The following DMRTA1 variants were observed in gnomAD, a reference collection of about 807,000 sequenced individuals.
The protein encoded by DMRTA1 is doublesex- and mab-3-related transcription factor A1.
In DMRTA1, 34 loss-of-function variants were observed where a neutral mutation model predicts 35.2. The observed-to-expected ratio is 0.97, with a 90% CI of 0.74 to 1.29. DMRTA1 has a LOEUF of 1.29. DMRTA1 is among the 50% of genes most tolerant of loss of function. DMRTA1 has a pLI of 0.00. For synonymous variants in DMRTA1, 344 were observed against 276.6 expected (o/e 1.24, Z -2.42); for missense variants, 824 against 644.6 (o/e 1.28, Z -3.01).
In DMRTA1 at chr9:22,447,432, T is replaced by G. The variant is rs1344161022; in HGVS notation, c.367T>G (p.Cys123Gly). 1 of 1,552,588 alleles carries G rather than the reference T, an allele frequency of 6.4e-7. No homozygotes were observed. Among genetic ancestry groups the G allele is most frequent in the East Asian group, 2.4e-5 (1 of 40,858 alleles). ...CTTCTGCCGCTGGCGGGACTGCGCG[T>G]GTGCCAAGTGCACCCTGATCGCCGA... ...KRFCRWRDCA[C>G]AKCTLIAERQ... The change falls in exon 1 of 2, where the codon TGT becomes GGT. Residue 123 changes from cysteine to glycine, a missense_variant. Coordinates refer to ENST00000325870, the MANE Select transcript of DMRTA1 (RefSeq NM_022160.3).
Position 22,447,284 on chromosome 9 carries a change from C to A in DMRTA1, c.219C>A (p.Gly73=). 1.3e-6 allele frequency: 2 copies of A among 1,505,870 alleles called. No homozygotes were observed. Among genetic ancestry groups the A allele is most frequent in the Non-Finnish European group, 8.8e-7 (1 of 1,133,542 alleles). The allele number at this position is 1,505,870 out of a possible 1,614,324, so 93.3% of individuals were successfully genotyped here. Residue 73 remains glycine (G), a synonymous_variant, in exon 1 of 2, where the codon GGC becomes GGA. Coordinates refer to ENST00000325870, the MANE Select transcript of DMRTA1 (RefSeq NM_022160.3). ...AAAAATSGSG[G]CPPAPGLESG... ...CTGCCGCCACCTCGGGAAGCGGAGG[C>A]TGCCCGCCGGCTCCCGGGCTGGAGA...
intron 1 of DMRTA1, among the ~76,000 whole-genome samples, chr9:22,447,970 G>A (rs1283346404): frequency 6.6e-6 from 1 of 152,158 alleles, no homozygotes; most frequent in African/African-American, 2.4e-5. Context: ...ATGAAAAAAT[G>A]AAGCATGGGT....
In DMRTA1 at chr9:22,451,457, G is replaced by A. The variant is rs767356686; in HGVS notation, c.1061G>A (p.Gly354Glu). Reference sequence around the variant, plus strand: ...GAAGGCATTCTACGGTTCTGCAAAGGGGATGTGGTCCAAGCCATTGAACAG... The same window carrying A: ...GAAGGCATTCTACGGTTCTGCAAAGAGGATGTGGTCCAAGCCATTGAACAG... ...RLEGILRFCK[G>E]DVVQAIEQVL... The change falls in exon 2 of 2, where the codon GGG (glycine) becomes GAG (glutamate). Residue 354 changes from glycine to glutamate, a missense_variant. Transcript: ENST00000325870. The A allele has an allele frequency of 5.0e-6, 8 of 1,614,108 alleles. No homozygotes were observed. The highest frequency in any genetic ancestry group is 5.9e-6 in the Non-Finnish European group (7 of 1,179,976).
At position 22,455,539 on chromosome 9, in the gene DMRTA1, A is replaced by C. The variant is rs1818992307; in HGVS notation, c.*3628A>C. 6.6e-6 allele frequency: 1 copy of C among 152,200 alleles called. No individual in the cohort carries two copies. The highest frequency in any genetic ancestry group is 1.5e-5 in the Non-Finnish European group (1 of 68,032). 9.4% of individuals were successfully genotyped at this position (152,200 alleles called of 1,614,324 possible). ...CCCTCGTGGCAGTCTCTCAACAAAG[A>C]GTACTGTAATTGCATTTAATCCACT... On this transcript the variant is annotated 3_prime_UTR_variant, in exon 2 of 2. Coordinates refer to ENST00000325870, the MANE Select transcript of DMRTA1 (RefSeq NM_022160.3).
intron 1 of DMRTA1, 91 bp from the exon 2 acceptor site, chr9:22,450,973 A>G (rs1305259693): frequency 7.7e-7 from 1 of 1,299,006 alleles, no homozygotes; most frequent in Admixed American, 2.3e-5. Context: ...GAGTGAATTA[A>G]TTATATTATC....
At position 22,447,061 on chromosome 9, in the gene DMRTA1, C is replaced by A. The variant is rs767890747; in HGVS notation, c.-5C>A. On this transcript the variant is annotated 5_prime_UTR_variant, in exon 1 of 2. Coordinates refer to ENST00000325870, the MANE Select transcript of DMRTA1 (RefSeq NM_022160.3). ...TTGGGACTCCCGGCCAGAAATTTCT[C>A]GGGAATGGAGCGGTCACAGTGTGGC... The A allele has an allele frequency of 6.2e-7, 1 of 1,606,624 alleles. No individual in the cohort carries two copies. Among genetic ancestry groups the A allele is most frequent in the Non-Finnish European group, 8.5e-7 (1 of 1,177,228 alleles).
At position 22,452,042 on chromosome 9, in the gene DMRTA1, G is replaced by T. The variant is rs1053926575; in HGVS notation, c.*131G>T. On this transcript the variant is annotated 3_prime_UTR_variant, in exon 2 of 2. Coordinates refer to ENST00000325870, the MANE Select transcript of DMRTA1 (RefSeq NM_022160.3). The stretch of plus-strand genomic sequence containing the variant: ...GGATTATGAGGTCTTAAAATGCTGG[G>T]TTTTTTTTTTTTCAAGCAATATAAT... 8.5e-5 allele frequency: 72 copies of T among 847,666 alleles called. No homozygotes were observed. Among genetic ancestry groups the T allele is most frequent in the East Asian group, 1.4e-4 (4 of 28,874 alleles). 52.5% of individuals were successfully genotyped at this position (847,666 alleles called of 1,614,324 possible).
At chr9:22,450,551 A>G (rs151143579) in intron 1 of DMRTA1, among the ~76,000 whole-genome samples, 2 of 152,246 alleles carry the variant, frequency 1.3e-5, no homozygotes, top group African/African-American at 4.8e-5. Flanking sequence ...GAGATAAAAA[A>G]CCAATTGTTA....
intron 1 of DMRTA1, among the ~76,000 whole-genome samples, chr9:22,449,586 T>G (rs1198446826): frequency 1.3e-5 from 2 of 152,174 alleles, no homozygotes; most frequent in East Asian, 3.8e-4. Flanking sequence ...GGGGGCATGC[T>G]CATTCATATT....
At position 22,451,986 on chromosome 9, in the gene DMRTA1, T is replaced by G. The variant is rs1182738143; in HGVS notation, c.*75T>G. ...GCACGTGCACACACATACACACACATCCATTAATATACTTCAGTAAGTATG... is the reference window on the plus strand; with the variant it reads ...GCACGTGCACACACATACACACACAGCCATTAATATACTTCAGTAAGTATG... On this transcript the variant is annotated 3_prime_UTR_variant, in exon 2 of 2. Coordinates refer to ENST00000325870, the MANE Select transcript of DMRTA1 (RefSeq NM_022160.3). 6.5e-7 allele frequency: 1 copy of G among 1,535,750 alleles called. No homozygotes were observed. The highest frequency in any genetic ancestry group is 2.3e-5 in the East Asian group (1 of 44,094).
At position 22,447,675 on chromosome 9, in the gene DMRTA1, G is replaced by T. The variant is rs747283236; in HGVS notation, c.610G>T (p.Gly204Cys). The T allele has an allele frequency of 1.9e-6, 3 of 1,612,924 alleles. No individual in the cohort carries two copies. Among genetic ancestry groups the T allele is most frequent in the Non-Finnish European group, 2.5e-6 (3 of 1,179,990 alleles). The change falls in exon 1 of 2, where the codon GGT (glycine) becomes TGT (cysteine). Residue 204 changes from glycine to cysteine, a missense_variant. Physicochemically the swap from Gly to Cys is radical, Grantham distance 159. Coordinates refer to ENST00000325870, the MANE Select transcript of DMRTA1 (RefSeq NM_022160.3). ...ACTGGGTGCCTTGAGACAGGCCAGT[G>T]GTTCCGCGACCCCCGCTTTCGAAGT... ...LGLGALRQAS[G>C]SATPAFEVFQ...
chr9:22,449,836 G>A (rs1818899276), intron 1 of DMRTA1, among the ~76,000 whole-genome samples: 1 of 151,984 alleles, frequency 6.6e-6, no homozygotes, highest in African/African-American at 2.4e-5. Context: ...TATTTCTTTA[G>A]AATTTAGAAC....
At position 22,447,351 on chromosome 9, in the gene DMRTA1, A is replaced by C. The variant is rs1818849389; in HGVS notation, c.286A>C (p.Lys96Gln). ...GGGCTGCGGCTACCCGCGGACGCCCAAGTGCGCCCGCTGTCGTAACCATGG... is the reference window on the plus strand; with the variant it reads ...GGGCTGCGGCTACCCGCGGACGCCCCAGTGCGCCCGCTGTCGTAACCATGG... ...AVGCGYPRTP[K>Q]CARCRNHGVV... Residue 96 changes from lysine (K) to glutamine (Q), a missense_variant, in exon 1 of 2, where the codon AAG becomes CAG. Coordinates refer to ENST00000325870, the MANE Select transcript of DMRTA1 (RefSeq NM_022160.3). 6.5e-7 allele frequency: 1 copy of C among 1,533,930 alleles called. No homozygotes were observed. The highest frequency in any genetic ancestry group is 2.0e-5 in the Admixed American group (1 of 50,100).
In DMRTA1 at chr9:22,451,814, C is replaced by G. The variant is rs768421763; in HGVS notation, c.1418C>G (p.Ala473Gly). The G allele has an allele frequency of 3.7e-6, 6 of 1,613,910 alleles. No homozygotes were observed. The highest frequency in any genetic ancestry group is 3.3e-5 in the South Asian group (3 of 91,082). The part of the protein sequence containing the change: ...TLPFRPALDY[A>G]FSGMIRDSSY... ...CCTTTTCGGCCAGCTTTGGATTATG[C>G]CTTTTCAGGGATGATTAGAGATTCT... Residue 473 changes from alanine to glycine, a missense_variant, in exon 2 of 2, where the codon GCC becomes GGC. Ala to Gly is a moderately conservative substitution (Grantham distance 60). Coordinates refer to ENST00000325870, the MANE Select transcript of DMRTA1 (RefSeq NM_022160.3).
rs1167665866 is a variant in DMRTA1 at position 22,451,789 on chromosome 9, C to T, written c.1393C>T (p.Pro465Ser). The T allele has an allele frequency of 1.9e-6, 3 of 1,613,928 alleles. No homozygotes were observed. The highest frequency in any genetic ancestry group is 2.5e-6 in the Non-Finnish European group (3 of 1,179,938). The change falls in exon 2 of 2, where the codon CCT becomes TCT. Residue 465 changes from proline (P) to serine (S), a missense_variant. Physicochemically the swap from Pro to Ser is moderately conservative, Grantham distance 74 (BLOSUM62 -1). Transcript: ENST00000325870. ...AACACCTGGGTTAGTACCAACCTTA[C>T]CTTTTCGGCCAGCTTTGGATTATGC... ...YLTPGLVPTL[P>S]FRPALDYAFS...
chr9:22,449,699 GTGTT>G (rs1185787578), intron 1 of DMRTA1, among the ~76,000 whole-genome samples: 2 of 152,090 alleles, frequency 1.3e-5, no homozygotes, highest in Non-Finnish European at 2.9e-5. Context: ...ATCCTATAGA[GTGTT>G]TGCAATTTTT....
Position 22,446,889 on chromosome 9 carries a change from A to T in DMRTA1, c.-177A>T. On this transcript the variant is annotated 5_prime_UTR_variant, in exon 1 of 2. Transcript: ENST00000325870. ...TGCACCTCTCAGCGTCTCCAGCTCC[A>T]GGACGCGGTCGTCCCAACTCCTTCC... 1 of 737,976 alleles carries T rather than the reference A, an allele frequency of 1.4e-6. No homozygotes were observed. The highest frequency in any genetic ancestry group is 2.1e-6 in the Non-Finnish European group (1 of 476,044). 45.7% of individuals were successfully genotyped at this position (737,976 alleles called of 1,614,324 possible).
At chr9:22,449,417 TG>T (rs1818890772) in intron 1 of DMRTA1, among the ~76,000 whole-genome samples, 2 of 152,150 alleles carry the variant, frequency 1.3e-5, no homozygotes, top group African/African-American at 4.8e-5. Context: ...ACGATATAAG[TG>T]GTATTATATT....
rs1052028280 is a variant in DMRTA1 at position 22,451,977 on chromosome 9, A to C, written c.*66A>C. On this transcript the variant is annotated 3_prime_UTR_variant, in exon 2 of 2. Coordinates refer to ENST00000325870, the MANE Select transcript of DMRTA1 (RefSeq NM_022160.3). ...ACAATACATGCACGTGCACACACATACACACACATCCATTAATATACTTCA... is the reference window on the plus strand; with the variant it reads ...ACAATACATGCACGTGCACACACATCCACACACATCCATTAATATACTTCA... The C allele has an allele frequency of 3.6e-5, 57 of 1,563,524 alleles. No individual in the cohort carries two copies. The highest frequency in any genetic ancestry group is 4.4e-5 in the Non-Finnish European group (51 of 1,150,256).
Sources: allele counts gnomAD v4.1 joint callset (sites outside exome capture counted in the v4.1 genomes callset), GRCh38; gene constraint gnomAD v4.1.1; transcripts MANE v1.5; gene names NCBI Gene and HGNC (gene_info 2026-07-23, HGNC 2026-07-21).